The following NAALADL2 variants were observed in gnomAD, a reference collection of about 807,000 sequenced individuals.
NAALADL2 encodes N-acetylated alpha-linked acidic dipeptidase like 2.
In NAALADL2, 76 loss-of-function variants were observed where a neutral mutation model predicts 87.2. The ratio of observed to expected loss-of-function variants is 0.87; its 90% CI spans 0.72 to 1.05. The LOEUF is 1.05. NAALADL2 is among the 50% of genes least tolerant of loss of function. The pLI, the probability that NAALADL2 is intolerant of heterozygous loss-of-function variation, is 0.00. For missense variants in NAALADL2, 1,089 were observed against 945.8 expected (o/e 1.15, Z -1.99); for synonymous variants, 354 against 331.0 (o/e 1.07, Z -0.75).
At chr3:174,737,937 C>A (rs1200602921) in intron 3 of NAALADL2, among the ~76,000 whole-genome samples, 1 of 151,882 alleles carries the variant, frequency 6.6e-6, no homozygotes, top group Non-Finnish European at 1.5e-5. Flanking sequence ...TGGGTTTAAG[C>A]CCATTTTCTT....
At chr3:174,830,250 G>A (rs1339031667) in intron 3 of NAALADL2, among the ~76,000 whole-genome samples, 3 of 146,858 alleles carry the variant, frequency 2.0e-5, no homozygotes, top group Non-Finnish European at 3.0e-5. Flanking sequence ...ATGGTTTTAG[G>A]TCTAACGTTT....
At chr3:174,812,910 C>T (rs1720377711) in intron 3 of NAALADL2, among the ~76,000 whole-genome samples, 1 of 151,506 alleles carries the variant, frequency 6.6e-6, no homozygotes, top group African/African-American at 2.4e-5. Flanking sequence ...AGTATTTTTA[C>T]AAAAGAATCA....
chr3:174,764,909 A>T (rs144925968), intron 3 of NAALADL2, among the ~76,000 whole-genome samples: 168 of 152,334 alleles, frequency 1.1e-3, no homozygotes, highest in African/African-American at 4.0e-3. Context: ...ATTTATTTGT[A>T]TGCTGAAAAA....
intron 3 of NAALADL2, among the ~76,000 whole-genome samples, chr3:174,807,364 G>T (rs954551607): frequency 1.3e-5 from 2 of 152,074 alleles, no homozygotes; most frequent in Admixed American, 6.6e-5. Context: ...AAAATGCTCT[G>T]CTTCTTGCTC....
chr3:174,753,288 C>A (rs1346048879), intron 3 of NAALADL2, among the ~76,000 whole-genome samples: 2 of 152,172 alleles, frequency 1.3e-5, no homozygotes, highest in Non-Finnish European at 2.9e-5. Flanking sequence ...ATTGGCCTGG[C>A]TGGTCTCAAT....
chr3:174,635,645 G>A (rs546458829), intron 2 of NAALADL2, among the ~76,000 whole-genome samples: 1 of 152,004 alleles, frequency 6.6e-6, no homozygotes, highest in South Asian at 2.1e-4. Context: ...TGGGATTACA[G>A]GCATGTGCCA....
intron 1 of NAALADL2, among the ~76,000 whole-genome samples, chr3:174,892,084 G>T (rs1436352056): frequency 1.3e-5 from 2 of 152,124 alleles, no homozygotes; most frequent in African/African-American, 4.8e-5. Context: ...TATCTAGAAA[G>T]TTTTCCCAAG....
chr3:175,051,865 C>T (rs759653024), intron 1 of NAALADL2, among the ~76,000 whole-genome samples: 2 of 152,140 alleles, frequency 1.3e-5, no homozygotes, highest in Non-Finnish European at 2.9e-5. Flanking sequence ...ACCAACTGAA[C>T]ACATAAAGAG....
At chr3:175,406,319 C>G (rs1712366840) in intron 5 of NAALADL2, among the ~76,000 whole-genome samples, 1 of 152,134 alleles carries the variant, frequency 6.6e-6, no homozygotes, top group Admixed American at 6.5e-5. Context: ...AGCTACGTAA[C>G]CATTGGGTAG....
chr3:175,645,473 A>C (rs1353218304), intron 11 of NAALADL2, among the ~76,000 whole-genome samples: 1 of 152,128 alleles, frequency 6.6e-6, no homozygotes, highest in Non-Finnish European at 1.5e-5. Flanking sequence ...AATATGGCCA[A>C]GGCTCCGGGG....
chr3:175,806,560 T>C lies in NAALADL2; in HGVS notation c.*3357T>C, dbSNP rs1754719706. 6.6e-6 allele frequency: 1 copy of C among 151,866 alleles called. No homozygotes were observed. 9.4% of individuals were successfully genotyped at this position (151,866 alleles called of 1,614,324 possible). ...ATAACAAGAAAGACGTAAAGATTTG[T>C]TATTAATGGAATCATTATGAGAAAA... On this transcript the variant is annotated 3_prime_UTR_variant, in exon 14 of 14. Coordinates refer to ENST00000454872, the MANE Select transcript of NAALADL2 (RefSeq NM_207015.3).
intron 13 of NAALADL2, among the ~76,000 whole-genome samples, chr3:175,777,010 C>T (rs1750335961): frequency 6.6e-6 from 1 of 151,744 alleles, no homozygotes; most frequent in Non-Finnish European, 1.5e-5. Flanking sequence ...AGGCAACTAT[C>T]TCATACTATC....
intron 3 of NAALADL2, among the ~76,000 whole-genome samples, chr3:174,832,658 G>T (rs1057422295): frequency 6.6e-6 from 1 of 152,118 alleles, no homozygotes; most frequent in African/African-American, 2.4e-5. Context: ...AGTAGAGACA[G>T]GGTTTCACCG....
At chr3:175,087,236 G>T (rs1041041941) in intron 1 of NAALADL2, among the ~76,000 whole-genome samples, 1 of 152,086 alleles carries the variant, frequency 6.6e-6, no homozygotes, top group African/African-American at 2.4e-5. Flanking sequence ...TTTGAGGAAG[G>T]TGGGGGGCAG....
intron 6 of NAALADL2, among the ~76,000 whole-genome samples, chr3:175,450,567 C>T (rs1024191224): frequency 6.6e-6 from 1 of 152,118 alleles, no homozygotes; most frequent in Non-Finnish European, 1.5e-5. Flanking sequence ...ACATTTAACA[C>T]CTCTAGTGTT....
intron 1 of NAALADL2, among the ~76,000 whole-genome samples, chr3:175,074,878 A>G (rs899379176): frequency 1.3e-5 from 2 of 152,066 alleles, no homozygotes; most frequent in African/African-American, 4.8e-5. Context: ...TCGTAATAAG[A>G]GAAAAAGGAG....
At chr3:175,318,602 G>A (rs1759457189) in intron 4 of NAALADL2, among the ~76,000 whole-genome samples, 1 of 152,116 alleles carries the variant, frequency 6.6e-6, no homozygotes, top group Admixed American at 6.5e-5. Context: ...ACATTTTGCA[G>A]TATGTACATT....
intron 2 of NAALADL2, among the ~76,000 whole-genome samples, chr3:174,702,048 G>A (rs1242687044): frequency 6.6e-6 from 1 of 152,106 alleles, no homozygotes. Context: ...AGCAGTGTAT[G>A]AGAGTTCCAC....
chr3:174,464,487 T>TA (rs1331474360), intron 1 of NAALADL2, among the ~76,000 whole-genome samples: 2 of 151,838 alleles, frequency 1.3e-5, no homozygotes, highest in African/African-American at 4.8e-5. Flanking sequence ...TTTACCTAAA[T>TA]AAAATAGAAA....
Sources: allele counts gnomAD v4.1 joint callset (sites outside exome capture counted in the v4.1 genomes callset), GRCh38; gene constraint gnomAD v4.1.1; transcripts MANE v1.5; gene names NCBI Gene and HGNC (gene_info 2026-07-23, HGNC 2026-07-21).